Variants in BCOR observed in about 807,000 individuals in gnomAD.
BCOR encodes BCL6 corepressor.
In BCOR, 10 loss-of-function variants were observed where a neutral mutation model predicts 86.7. The observed-to-expected ratio is 0.12, with a 90% CI of 0.07 to 0.20. The LOEUF (loss-of-function observed/expected upper bound fraction) is 0.20, where lower values mean the gene tolerates loss of function less well. BCOR is among the 10% of genes least tolerant of loss of function. BCOR has a pLI of 1.00. For missense variants in BCOR, 1,259 were observed against 1,452.1 expected (o/e 0.87, Z 2.16); for synonymous variants, 611 against 609.0 (o/e 1.00, Z -0.05).
chrX:40,167,735 G>GAC (rs1479711496), intron 1 of BCOR, among the ~76,000 whole-genome samples: 3 of 111,133 alleles, frequency 2.7e-5, no homozygotes, highest in Non-Finnish European at 5.7e-5. Context: ...TCTCTGCGGC[G>GAC]ACACACACAC....
intron 1 of BCOR, among the ~76,000 whole-genome samples, chrX:40,121,363 A>C (rs986208007): frequency 2.7e-5 from 3 of 111,993 alleles, no homozygotes; most frequent in Non-Finnish European, 5.6e-5. Flanking sequence ...TACCTTCCCC[A>C]AACAGTCATC....
intron 1 of BCOR, among the ~76,000 whole-genome samples, chrX:40,084,703 A>ACC (rs1291008895): frequency 1.5e-4 from 8 of 52,960 alleles, no homozygotes; most frequent in African/African-American, 6.1e-4. Flanking sequence ...CGTCGCCGCC[A>ACC]CCCCCCCCCA....
rs185515985 is a variant in BCOR at position 40,076,733 on chromosome X, C to T, written c.87-201G>A. Reference sequence around the variant, plus strand: ...ACTTGACCAGGAAAAACAAAGGAAACGCAAAGCTTTCATGTGTGAGGACAT... The same window carrying T: ...ACTTGACCAGGAAAAACAAAGGAAATGCAAAGCTTTCATGTGTGAGGACAT... On this transcript the variant is annotated intron_variant, in intron 2 of 14. Transcript: ENST00000378444. 3.3e-3 allele frequency among the ~76,000 whole-genome samples: 376 copies of T among 112,579 alleles called. 2 individuals carry two copies. Among genetic ancestry groups the T allele is most frequent in the Middle Eastern group, 9.1e-3 (2 of 219 alleles).
chrX:40,156,650 G>A (rs1433446733), intron 1 of BCOR, among the ~76,000 whole-genome samples: 1 of 112,452 alleles, frequency 8.9e-6, no homozygotes, highest in Non-Finnish European at 1.9e-5. Context: ...ACCCCTGACA[G>A]GAGTCTTCTG....
chrX:40,171,661 C>T (rs979685689), intron 1 of BCOR, among the ~76,000 whole-genome samples: 1 of 113,011 alleles, frequency 8.8e-6, no homozygotes, highest in African/African-American at 3.2e-5. Context: ...CGCGTGGGCG[C>T]ACCCTAAGAA....
chrX:40,175,441 G>C (rs1166576994), intron 1 of BCOR, among the ~76,000 whole-genome samples: 1 of 113,357 alleles, frequency 8.8e-6, no homozygotes, highest in African/African-American at 3.2e-5. Context: ...TGCGGCGAGA[G>C]GGGGAGAAAA....
At position 40,077,962 on chromosome X, in the gene BCOR, C is replaced by A. The variant is rs749877584; in HGVS notation, c.-33G>T. On this transcript the variant is annotated 5_prime_UTR_variant, in exon 2 of 15. Transcript: ENST00000378444. The stretch of plus-strand genomic sequence containing the variant: ...TCTGGGATGGCAGCTTTGCTTCAAG[C>A]GTCTAGTCTGTTAAAAGGAAAGAAA... The A allele has an allele frequency of 8.8e-7, 1 of 1,131,847 alleles. No homozygotes were observed. The highest frequency in any genetic ancestry group is 1.2e-6 in the Non-Finnish European group (1 of 822,455). 93.3% of individuals were successfully genotyped at this position (1,131,847 alleles called of 1,213,427 possible).
At chrX:40,145,175 G>A (rs1049664963) in intron 1 of BCOR, among the ~76,000 whole-genome samples, 2 of 111,433 alleles carry the variant, frequency 1.8e-5, no homozygotes, top group Non-Finnish European at 3.8e-5. Context: ...AGAGCAGCCT[G>A]GCGCGTCCTG....
intron 1 of BCOR, among the ~76,000 whole-genome samples, chrX:40,119,108 C>T (rs1020113226): frequency 1.8e-5 from 2 of 112,310 alleles, no homozygotes; most frequent in African/African-American, 3.2e-5. Context: ...GCTGGGATTA[C>T]AGGCATGAGC....
intron 6 of BCOR, chrX:40,068,194 G>A (rs771643343): frequency 8.9e-6 from 1 of 112,010 alleles, no homozygotes; most frequent in African/African-American, 3.3e-5. Context: ...ACAAGTCACC[G>A]TGGCAACAAA....
At chrX:40,091,069 C>T (rs1010903783) in intron 1 of BCOR, among the ~76,000 whole-genome samples, 1 of 112,095 alleles carries the variant, frequency 8.9e-6, no homozygotes, top group Non-Finnish European at 1.9e-5. Flanking sequence ...CCTTCCGAAG[C>T]TCCAGGGCTT....
intron 1 of BCOR, among the ~76,000 whole-genome samples, chrX:40,171,928 G>GCCGGCT (rs1938631158): frequency 8.9e-6 from 1 of 112,749 alleles, no homozygotes; most frequent in South Asian, 3.6e-4. Context: ...CGGCTCGGCG[G>GCCGGCT]CCGGCTCCGG....
chrX:40,099,650 T>C (rs1602218538), upstream of BCOR, among the ~76,000 whole-genome samples: 1 of 112,330 alleles, frequency 8.9e-6, no homozygotes, highest in East Asian at 2.8e-4. Flanking sequence ...CTAGCAGATA[T>C]TTTCCCTTTT....
intron 1 of BCOR, among the ~76,000 whole-genome samples, chrX:40,131,327 C>T (rs192918479): frequency 5.3e-5 from 6 of 112,347 alleles, no homozygotes; most frequent in African/African-American, 1.9e-4. Flanking sequence ...CTGCACCCTG[C>T]ATTTACTATC....
rs1453693848 is a variant in BCOR at position 40,054,000 on chromosome X, G to A, written c.4862C>T (p.Pro1621Leu). ...ATCATCATCCTGGTCTTCTGGTCCTGGGGGGTTGGCTAAAACATCATAGCC... is the reference window on the plus strand; with the variant it reads ...ATCATCATCCTGGTCTTCTGGTCCTAGGGGGTTGGCTAAAACATCATAGCC... ...ESGYDVLANP[P>L]GPEDQDDDDD... Residue 1621 changes from proline to leucine, a missense_variant, in exon 14 of 15, where the codon CCA becomes CTA. By Grantham distance (98) the Pro-to-Leu change is moderately conservative. This residue lies in a region of BCOR where 137 missense variants were observed against 149.8 expected (regional missense o/e 0.91). Coordinates refer to ENST00000378444, the MANE Select transcript of BCOR (RefSeq NM_001123385.2). The A allele has an allele frequency of 1.7e-6, 2 of 1,211,004 alleles. No individual in the cohort carries two copies. The highest frequency in any genetic ancestry group is 4.6e-4 in the Middle Eastern group (2 of 4,347).
chrX:40,133,998 G>A (rs1937634451), intron 1 of BCOR, among the ~76,000 whole-genome samples: 1 of 110,393 alleles, frequency 9.1e-6, no homozygotes, highest in Admixed American at 9.8e-5. Flanking sequence ...TAAGCACAAA[G>A]GCATCTGGGA....
At chrX:40,057,457 T>C (rs1295609630) in intron 10 of BCOR, 136 bp from the exon 11 acceptor site, 2 of 642,746 alleles carry the variant, frequency 3.1e-6, no homozygotes, top group Non-Finnish European at 4.9e-6. Context: ...TGTGGATGTC[T>C]TGGTGAGGGG....
At chrX:40,064,766 C>G (rs1264834395) in intron 6 of BCOR, among the ~76,000 whole-genome samples, 167 bp from the exon 7 acceptor site, 1 of 111,843 alleles carries the variant, frequency 8.9e-6, no homozygotes, top group Non-Finnish European at 1.9e-5. Context: ...CCCTCAGAAA[C>G]AGAACTTTCC....
At chrX:40,143,694 C>A (rs913573317) in intron 1 of BCOR, among the ~76,000 whole-genome samples, 22 of 113,015 alleles carry the variant, frequency 1.9e-4, no homozygotes, top group African/African-American at 6.7e-4. Context: ...TGGTGGCTCA[C>A]GCCGGTAATC....
Sources: gnomAD v4.1 joint callset for allele counts (sites outside exome capture counted in the v4.1 genomes callset) on GRCh38, gnomAD v4.1.1 for gene constraint, gnomAD v4.1.1 regional missense constraint, MANE v1.5 for transcripts, NCBI Gene and HGNC (gene_info 2026-07-23, HGNC 2026-07-21) for gene names.